Variants in HS3ST4 observed in about 807,000 individuals in gnomAD.
HS3ST4 encodes heparan sulfate glucosamine 3-O-sulfotransferase 4.
In HS3ST4, 17 loss-of-function variants were observed where a neutral mutation model predicts 29.2. The observed-to-expected ratio is 0.58, with a 90% CI of 0.40 to 0.87. The LOEUF (loss-of-function observed/expected upper bound fraction) is 0.87, where lower values mean the gene tolerates loss of function less well. Among genes scored for constraint, HS3ST4 ranks in the 40% least tolerant of loss-of-function variants. The probability of loss-of-function intolerance (pLI) is 0.00; values close to 1 mark genes in which losing one functional copy is unlikely to be tolerated. For missense variants in HS3ST4, 627 were observed against 634.5 expected, an observed-to-expected ratio of 0.99 and a Z score of 0.13; for synonymous variants, 314 against 285.7, an observed-to-expected ratio of 1.10 and a Z score of -1.00.
chr16:25,828,282 T>TTCTTTCTTTCTC (rs1967249370), intron 1 of HS3ST4, among the ~76,000 whole-genome samples: 1 of 85,350 alleles, frequency 1.2e-5, no homozygotes, highest in African/African-American at 5.0e-5. Flanking sequence ...CTTTCTTTCT[T>TTCTTTCTTTCTC]TCTTTCTTTC....
intron 1 of HS3ST4, among the ~76,000 whole-genome samples, chr16:26,065,308 G>C (rs1212050353): frequency 1.3e-5 from 2 of 152,204 alleles, no homozygotes; most frequent in Non-Finnish European, 2.9e-5. Context: ...AAAGAATGAG[G>C]TCATGTCCTT....
At chr16:25,992,037 A>ACAAG (rs1969118749) in intron 1 of HS3ST4, among the ~76,000 whole-genome samples, 1 of 152,100 alleles carries the variant, frequency 6.6e-6, no homozygotes, top group African/African-American at 2.4e-5. Flanking sequence ...AAACAAACAA[A>ACAAG]CAAACAAAAC....
At chr16:25,906,374 T>G (rs887459349) in intron 1 of HS3ST4, among the ~76,000 whole-genome samples, 3 of 152,208 alleles carry the variant, frequency 2.0e-5, no homozygotes, top group Non-Finnish European at 4.4e-5. Flanking sequence ...GAATACAAAA[T>G]GAATAAGAAA....
intron 1 of HS3ST4, among the ~76,000 whole-genome samples, chr16:26,072,316 G>C (rs939578916): frequency 1.3e-5 from 2 of 152,174 alleles, no homozygotes; most frequent in African/African-American, 4.8e-5. Flanking sequence ...AGCCAATCTA[G>C]AAGAGGGATG....
chr16:25,745,778 G>A (rs1007746453), intron 1 of HS3ST4, among the ~76,000 whole-genome samples: 4 of 152,156 alleles, frequency 2.6e-5, no homozygotes, highest in African/African-American at 9.7e-5. Context: ...GTAGTCTTTT[G>A]CATATCATTA....
At chr16:26,004,398 G>T (rs1969238779) in intron 1 of HS3ST4, among the ~76,000 whole-genome samples, 1 of 152,100 alleles carries the variant, frequency 6.6e-6, no homozygotes, top group South Asian at 2.1e-4. Context: ...CTGTGGTAAG[G>T]TTAGCATTTG....
intron 1 of HS3ST4, among the ~76,000 whole-genome samples, chr16:25,806,023 A>G (rs529421784): frequency 6.6e-6 from 1 of 152,314 alleles, no homozygotes; most frequent in African/African-American, 2.4e-5. Context: ...ATGTCCCTGC[A>G]TAGGACATTA....
chr16:25,983,833 G>T (rs370503660), intron 1 of HS3ST4, among the ~76,000 whole-genome samples: 2 of 152,196 alleles, frequency 1.3e-5, no homozygotes, highest in African/African-American at 4.8e-5. Flanking sequence ...AGGGTTGGTG[G>T]TTTATTAAAG....
intron 1 of HS3ST4, among the ~76,000 whole-genome samples, chr16:26,098,290 T>G (rs912583520): frequency 6.6e-6 from 1 of 152,226 alleles, no homozygotes; most frequent in African/African-American, 2.4e-5. Flanking sequence ...CACCCATATG[T>G]TTATTTTGCC....
At chr16:25,951,079 G>T (rs1255702265) in intron 1 of HS3ST4, among the ~76,000 whole-genome samples, 1 of 152,158 alleles carries the variant, frequency 6.6e-6, no homozygotes, top group Non-Finnish European at 1.5e-5. Flanking sequence ...CCCTCCTTCT[G>T]TAAACACTGA....
chr16:25,723,080 G>T (rs148751864), intron 1 of HS3ST4, among the ~76,000 whole-genome samples: 2 of 152,070 alleles, frequency 1.3e-5, no homozygotes, highest in Non-Finnish European at 2.9e-5. Flanking sequence ...ATTCACTACC[G>T]TAAGAACAAT....
At chr16:25,898,990 ACCC>A (rs1435170497) in intron 1 of HS3ST4, among the ~76,000 whole-genome samples, 1 of 152,214 alleles carries the variant, frequency 6.6e-6, no homozygotes, top group Non-Finnish European at 1.5e-5. Context: ...GACAAGATGG[ACCC>A]TAACTTGTTT....
At position 26,074,147 on chromosome 16, in the gene HS3ST4, A is replaced by G. The variant is rs189610955; in HGVS notation, c.735-61465A>G. ...CCAAGCGGCTCCCTCCGTGCCCCACATCATTATACTCAGGACCCTCTGAGG... is the reference window on the plus strand; with the variant it reads ...CCAAGCGGCTCCCTCCGTGCCCCACGTCATTATACTCAGGACCCTCTGAGG... On this transcript the variant is annotated intron_variant, in intron 1 of 1. Coordinates refer to ENST00000331351, the MANE Select transcript of HS3ST4 (RefSeq NM_006040.3). Among the ~76,000 whole-genome samples the G allele has an allele frequency of 7.7e-3, 1,166 of 152,220 alleles. 12 individuals carry two copies. The highest frequency in any genetic ancestry group is 0.027 in the African/African-American group (1,127 of 41,526).
intron 1 of HS3ST4, among the ~76,000 whole-genome samples, chr16:26,124,891 T>C (rs1899322286): frequency 6.6e-6 from 1 of 152,254 alleles, no homozygotes; most frequent in Non-Finnish European, 1.5e-5. Flanking sequence ...GAAAATGAAC[T>C]GAAAAGGGCT....
intron 1 of HS3ST4, among the ~76,000 whole-genome samples, chr16:26,093,525 C>T (rs7499831): frequency 0.065 from 9,955 of 152,248 alleles, 377 homozygotes; most frequent in Middle Eastern, 0.13. Flanking sequence ...AGGAACCTGA[C>T]TGTTAGAAGG....
intron 1 of HS3ST4, among the ~76,000 whole-genome samples, chr16:26,041,499 C>T (rs1969635713): frequency 6.6e-6 from 1 of 151,964 alleles, no homozygotes; most frequent in African/African-American, 2.4e-5. Flanking sequence ...AACGAACAAA[C>T]AAAACAAAAC....
intron 1 of HS3ST4, among the ~76,000 whole-genome samples, chr16:25,715,278 C>T (rs536247922): frequency 1.4e-4 from 21 of 145,962 alleles, no homozygotes; most frequent in East Asian, 4.2e-4. Flanking sequence ...GCCGAGATCG[C>T]GCCACTGCAG....
chr16:25,922,026 A>G (rs1212720092), intron 1 of HS3ST4, among the ~76,000 whole-genome samples: 2 of 152,130 alleles, frequency 1.3e-5, no homozygotes, highest in African/African-American at 2.4e-5. Flanking sequence ...AAGTACTGCA[A>G]TTACAGGCGT....
intron 1 of HS3ST4, among the ~76,000 whole-genome samples, chr16:25,762,816 G>A (rs1040140103): frequency 1.4e-5 from 2 of 138,532 alleles, no homozygotes; most frequent in African/African-American, 2.7e-5. Flanking sequence ...GGTTGAGGCC[G>A]CAGTGAGCTG....
Sources: allele counts gnomAD v4.1 joint callset (sites outside exome capture counted in the v4.1 genomes callset), GRCh38; gene constraint gnomAD v4.1.1; transcripts MANE v1.5; gene names NCBI Gene and HGNC (gene_info 2026-07-23, HGNC 2026-07-21).